UBQLN4: variants seen among roughly 807,000 people sequenced by gnomAD.
The protein encoded by UBQLN4 is ubiquilin 4, also known as ubiquilin-4.
UBQLN4 carries 11 observed loss-of-function variants against 60.4 expected under a neutral mutation model. The ratio of observed to expected loss-of-function variants is 0.18; its 90% CI spans 0.11 to 0.30. The LOEUF (loss-of-function observed/expected upper bound fraction) is 0.30. Ranked by LOEUF, UBQLN4 falls within the 10% of genes least tolerant of loss-of-function variation. The pLI, the probability that UBQLN4 is intolerant of heterozygous loss-of-function variation, is 1.00. For synonymous variants in UBQLN4, 258 were observed against 313.1 expected (o/e 0.82, Z 1.86); for missense variants, 417 against 795.5 (o/e 0.52, Z 5.72).
intron 5 of UBQLN4, among the ~76,000 whole-genome samples, chr1:156,047,963 G>A (rs1040894806): frequency 5.3e-5 from 8 of 151,480 alleles, no homozygotes; most frequent in Non-Finnish European, 1.2e-4. Flanking sequence ...AACATGTTAG[G>A]GCAACATTGA....
intron 10 of UBQLN4, among the ~76,000 whole-genome samples, chr1:156,041,228 G>A (rs939515641): frequency 6.6e-6 from 1 of 152,202 alleles, no homozygotes; most frequent in Non-Finnish European, 1.5e-5. Context: ...TGGTAAATGA[G>A]TCGTAAATGA....
chr1:156,032,233 A>T (rs920141831), downstream of UBQLN4, among the ~76,000 whole-genome samples: 2 of 151,692 alleles, frequency 1.3e-5, no homozygotes, highest in Non-Finnish European at 2.9e-5. Context: ...TGAACTCCTG[A>T]CCTCGTGATC....
rs150725767 is a variant in UBQLN4, at chr1:156,041,604, C to T, written c.1534G>A (p.Glu512Lys). The T allele has an allele frequency of 9.9e-6, 16 of 1,609,942 alleles. No individual in the cohort carries two copies. Among genetic ancestry groups the T allele is most frequent in the African/African-American group, 8.0e-5 (6 of 74,864 alleles). Reference protein sequence around the residue: ...SAGSNAGSTPEAPTSSPATPA... With the variant: ...SAGSNAGSTPKAPTSSPATPA... Reference sequence around the variant, plus strand: ...GTGGCTGGTGAGGAAGTGGGGGCCTCGGGCGTAGACCCTGCGTTGCTGCCT... The same window carrying T: ...GTGGCTGGTGAGGAAGTGGGGGCCTTGGGCGTAGACCCTGCGTTGCTGCCT... Residue 512 changes from glutamate (E) to lysine (K), a missense_variant, in exon 10 of 11, where the codon GAG (glutamate) becomes AAG (lysine). Coordinates refer to ENST00000368309, the MANE Select transcript of UBQLN4 (RefSeq NM_020131.5).
rs1255344828 is a variant in UBQLN4 at position 156,035,841 on chromosome 1, G to A, written c.*1137C>T. 1 of 985,244 alleles carries A rather than the reference G, an allele frequency of 1.0e-6. No individual in the cohort carries two copies. Among genetic ancestry groups the A allele is most frequent in the Non-Finnish European group, 1.2e-6 (1 of 829,912 alleles). 61.0% of individuals were successfully genotyped at this position (985,244 alleles called of 1,614,324 possible). ...TTTTACCCACTTGTCTCTGGTGGTG[G>A]GAGAGCACTCTGAACCAGAAACCAA... On this transcript the variant is annotated 3_prime_UTR_variant, in exon 11 of 11. Coordinates refer to ENST00000368309, the MANE Select transcript of UBQLN4 (RefSeq NM_020131.5).
rs1287597668 is a variant in UBQLN4, at chr1:156,036,385, C to G, written c.*593G>C. The G allele has an allele frequency of 2.0e-6, 2 of 985,572 alleles. No homozygotes were observed. The highest frequency in any genetic ancestry group is 6.1e-5 in the Admixed American group (1 of 16,268). 61.1% of individuals were successfully genotyped at this position (985,572 alleles called of 1,614,324 possible). On this transcript the variant is annotated 3_prime_UTR_variant, in exon 11 of 11. Transcript: ENST00000368309. ...CATCTCCCTCTTCAGACAGGGAGAA[C>G]AGGCATCTTCCTCCTTACCCTGGAA... is the stretch of plus-strand genomic sequence containing the variant.
chr1:156,048,522 C>A lies in UBQLN4; in HGVS notation c.879G>T (p.Met293Ile). Residue 293 changes from methionine to isoleucine, a missense_variant, in exon 5 of 11, where the codon ATG becomes ATT. Met to Ile is a conservative substitution (Grantham distance 10). Coordinates refer to ENST00000368309, the MANE Select transcript of UBQLN4 (RefSeq NM_020131.5). This position sits in a 1 kb window ranked among gnomAD's most constrained non-coding sequence, Gnocchi z 4.9. ...RRMYTDIQEP[M>I]FSAAREQFGN... ...CCACCTGTTCCCGGGCAGCACTGAA[C>A]ATGGGCTCCTGGATGTCCGTGTACA... 6.2e-7 allele frequency: 1 copy of A among 1,612,230 alleles called. No individual in the cohort carries two copies. The highest frequency in any genetic ancestry group is 8.5e-7 in the Non-Finnish European group (1 of 1,178,472).
chr1:156,038,309 G>A (rs1033217161), intron 10 of UBQLN4, among the ~76,000 whole-genome samples: 7 of 152,066 alleles, frequency 4.6e-5, no homozygotes, highest in African/African-American at 1.4e-4. Context: ...TCCGGGAGGC[G>A]GAGGTGCAGT....
At chr1:156,033,477 C>T (rs916534746), downstream of UBQLN4, among the ~76,000 whole-genome samples, 1 of 152,108 alleles carries the variant, frequency 6.6e-6, no homozygotes, top group Non-Finnish European at 1.5e-5. Context: ...TCCTTCCTTG[C>T]TTGACCCCAG....
chr1:156,039,525 CA>C (rs1371972777), intron 10 of UBQLN4, among the ~76,000 whole-genome samples: 1 of 151,988 alleles, frequency 6.6e-6, no homozygotes, highest in African/African-American at 2.4e-5. Context: ...GCTGGGATTA[CA>C]GAAGTGAGCC....
At chr1:156,039,639 CAA>C (rs1351997486) in intron 10 of UBQLN4, among the ~76,000 whole-genome samples, 19 of 152,084 alleles carry the variant, frequency 1.2e-4, no homozygotes, top group African/African-American at 4.3e-4. Flanking sequence ...TGATTATGAA[CAA>C]AAGACTCTTA....
At chr1:156,031,759 T>C (rs1215862824), downstream of UBQLN4, among the ~76,000 whole-genome samples, 1 of 151,908 alleles carries the variant, frequency 6.6e-6, no homozygotes, top group Non-Finnish European at 1.5e-5. Flanking sequence ...TTTTGTTTTG[T>C]ATTTTTAGTA....
Position 156,044,140 on chromosome 1 carries a change from G to A in UBQLN4, c.984C>T (p.Pro328=), listed in dbSNP as rs752375547. 1.1e-5 allele frequency: 18 copies of A among 1,582,522 alleles called. No homozygotes were observed. The highest frequency in any genetic ancestry group is 1.5e-5 in the Non-Finnish European group (17 of 1,164,558). ...GCGAGGGGCTCCAGGGGTTAGGGAGGGGCTCTCGATTCTCAGTCCGCAGAG... is the reference window on the plus strand; with the variant it reads ...GCGAGGGGCTCCAGGGGTTAGGGAGAGGCTCTCGATTCTCAGTCCGCAGAG... The part of the protein sequence containing the change: ...SQPLRTENRE[P]LPNPWSPSPP... The change falls in exon 6 of 11, where the codon CCC becomes CCT. Residue 328 remains proline, a synonymous_variant. Transcript: ENST00000368309.
At chr1:156,040,323 G>A (rs1253144112) in intron 10 of UBQLN4, among the ~76,000 whole-genome samples, 3 of 151,464 alleles carry the variant, frequency 2.0e-5, no homozygotes, top group African/African-American at 7.3e-5. Flanking sequence ...TTGAACCTGG[G>A]AGGCAGAGGT....
chr1:156,033,245 G>A, downstream of UBQLN4: 1 of 985,328 alleles, frequency 1.0e-6, no homozygotes, highest in Non-Finnish European at 1.2e-6. Flanking sequence ...ATGGGTGATG[G>A]TCCAGATCTC....
chr1:156,051,669 C>G (rs182007672), intron 2 of UBQLN4, 37 bp downstream of exon 2: 406 of 1,610,362 alleles, frequency 2.5e-4, no homozygotes, highest in Non-Finnish European at 3.3e-4. Context: ...TGGGGAGGCC[C>G]AATCAGAAGC....
At chr1:156,053,795 ACTCCCCTCTCTCCACCTCTCCCCTCCC>A (rs966704871) in exon 1 of UBQLN4, 7 of 405,932 alleles carry the variant, frequency 1.7e-5, no homozygotes, top group African/African-American at 3.2e-5. Context: ...CGCCTCCAAC[ACTCCCCTCTCTCCACCTCTCCCCTCCC>A]CTCCCCTCCC....
At position 156,041,889 on chromosome 1, in the gene UBQLN4, G is replaced by A; in HGVS notation, c.1449C>T (p.Ala483=). Residue 483 remains alanine (A), a synonymous_variant, in exon 9 of 11, where the codon GCC becomes GCT. Coordinates refer to ENST00000368309, the MANE Select transcript of UBQLN4 (RefSeq NM_020131.5). The part of the protein sequence containing the change: ...QQGLQTLQTE[A]PGLVPSLGSF... ...ACCCTCACCTGGGTACCAGCCCAGG[G>A]GCCTCGGTCTGCAAGGTCTGTAGTC... 1 of 1,613,194 alleles carries A rather than the reference G, an allele frequency of 6.2e-7. No individual in the cohort carries two copies. Among genetic ancestry groups the A allele is most frequent in the Non-Finnish European group, 8.5e-7 (1 of 1,179,756 alleles).
In UBQLN4 at chr1:156,050,075, C is replaced by T. The variant is rs1028221447; in HGVS notation, c.741+216G>A. ...ATGATTATCCTTCTGATAGCAATGG[C>T]CACATTGTATTCTAATTGCCGGTTT... On this transcript the variant is annotated intron_variant, in intron 4 of 10. Transcript: ENST00000368309. The surrounding 1 kb of genome is among the most constrained non-coding windows in gnomAD (Gnocchi z 4.6). Among the ~76,000 whole-genome samples, 23 of 152,174 alleles carry T rather than the reference C, an allele frequency of 1.5e-4. No individual in the cohort carries two copies. Among genetic ancestry groups the T allele is most frequent in the Non-Finnish European group, 2.9e-4 (20 of 68,042 alleles).
chr1:156,047,634 T>A (rs12758906), intron 5 of UBQLN4, among the ~76,000 whole-genome samples: 1 of 151,204 alleles, frequency 6.6e-6, no homozygotes, highest in Non-Finnish European at 1.5e-5. Context: ...GGTGGCTCAC[T>A]CCTGTAATCT....
Sources: gnomAD v4.1 joint callset for allele counts (sites outside exome capture counted in the v4.1 genomes callset) on GRCh38, gnomAD v4.1.1 for gene constraint, Gnocchi (gnomAD v3.1) non-coding constraint, MANE v1.5 for transcripts, NCBI Gene and HGNC (gene_info 2026-07-23, HGNC 2026-07-21) for gene names.